DISC1: variants seen among roughly 807,000 people sequenced by gnomAD.
DISC1 encodes disrupted in schizophrenia 1 protein.
DISC1 carries 57 observed loss-of-function variants against 84.5 expected under a neutral mutation model. The ratio of observed to expected loss-of-function variants is 0.67; its 90% confidence interval spans 0.55 to 0.84. The LOEUF (loss-of-function observed/expected upper bound fraction) is 0.84, where lower values mean the gene tolerates loss of function less well. Among genes scored for constraint, DISC1 ranks in the 40% least tolerant of loss-of-function variants. The pLI is 0.00. For missense variants in DISC1, 1,000 were observed against 1,057.8 expected (o/e 0.95, Z 0.76); for synonymous variants, 411 against 415.2 (o/e 0.99, Z 0.12).
chr1:231,730,505 G>A (rs1259080137), intron 3 of DISC1, among the ~76,000 whole-genome samples: 1 of 152,070 alleles, frequency 6.6e-6, no homozygotes, highest in Non-Finnish European at 1.5e-5. Flanking sequence ...GCTGAGGTTT[G>A]GGCTTCTATT....
intron 9 of DISC1, among the ~76,000 whole-genome samples, chr1:231,912,740 CTCTTCTTTCTTTCTTTCTTTCTTTCTT>C (rs1315520296): frequency 1.4e-3 from 210 of 147,716 alleles, no homozygotes; most frequent in East Asian, 5.5e-3. Flanking sequence ...CTGCAGCTTG[CTCTTCTTTCTTTCTTTCTTTCTTTCTT>C]TCTTTCTTTC....
chr1:231,800,989 A>AT (rs1211325051), intron 8 of DISC1, among the ~76,000 whole-genome samples: 34 of 152,136 alleles, frequency 2.2e-4, no homozygotes, highest in African/African-American at 8.2e-4. Context: ...TTATAGGTTG[A>AT]ATGGACCCAG....
chr1:231,628,540 G>T (rs1041014792), intron 1 of DISC1, among the ~76,000 whole-genome samples: 1 of 152,128 alleles, frequency 6.6e-6, no homozygotes, highest in African/African-American at 2.4e-5. Flanking sequence ...ATGGGACTGG[G>T]ATTACAGTCC....
In DISC1 at chr1:231,953,991, T is replaced by C. The variant is rs1387734513; in HGVS notation, c.1982-4837T>C. Among the ~76,000 whole-genome samples, 3 of 152,338 alleles carry C rather than the reference T, an allele frequency of 2.0e-5. No homozygotes were observed. In the East Asian group the frequency reaches 5.8e-4, roughly 29 times the overall value. ...TACTGCTGTCCCCTTATGCAAGGGA[T>C]ACAATTCATTGAAACCTCGTTGGAC... On this transcript the variant is annotated intron_variant, in intron 9 of 12. Transcript: ENST00000439617.
chr1:232,029,678 T>C (rs955447297), intron 12 of DISC1, among the ~76,000 whole-genome samples: 9 of 152,260 alleles, frequency 5.9e-5, no homozygotes, highest in Admixed American at 1.3e-4. Context: ...ATGTGATTAA[T>C]GTAAGCCCAC....
Position 232,036,826 on chromosome 1 carries a change from G to T in DISC1, c.2560G>T (p.Ala854Ser). Residue 854 changes from alanine (A) to serine (S), a missense_variant, in exon 13 of 13, where the codon GCC (alanine) becomes TCC (serine). Coordinates refer to ENST00000439617, the MANE Select transcript of DISC1 (RefSeq NM_018662.3). ...CMTAGVHEAQ[A>S] ...GACAGCTGGTGTCCACGAAGCACAAGCCTGAGGAGTGACGGGATGGGGGAG... is the reference window on the plus strand; with the variant it reads ...GACAGCTGGTGTCCACGAAGCACAATCCTGAGGAGTGACGGGATGGGGGAG... 1 of 1,564,150 alleles carries T rather than the reference G, an allele frequency of 6.4e-7. No individual in the cohort carries two copies. Among genetic ancestry groups the T allele is most frequent in the Non-Finnish European group, 8.7e-7 (1 of 1,145,844 alleles).
At chr1:231,639,958 T>C (rs1449982218) in intron 1 of DISC1, among the ~76,000 whole-genome samples, 1 of 152,214 alleles carries the variant, frequency 6.6e-6, no homozygotes, top group Non-Finnish European at 1.5e-5. Context: ...CTGAATCACA[T>C]TAGTGTTTCT....
chr1:231,889,934 G>A (rs2087075767), intron 9 of DISC1, among the ~76,000 whole-genome samples: 1 of 152,152 alleles, frequency 6.6e-6, no homozygotes, highest in Non-Finnish European at 1.5e-5. Flanking sequence ...GTCACATGTA[G>A]CTATAATTTG....
At chr1:231,712,171 A>G (rs1048753585) in intron 3 of DISC1, among the ~76,000 whole-genome samples, 1 of 152,188 alleles carries the variant, frequency 6.6e-6, no homozygotes, top group Non-Finnish European at 1.5e-5. Context: ...TTCCCCAAGA[A>G]TGTTGGGAGG....
At chr1:231,908,462 G>C (rs991401020) in intron 9 of DISC1, among the ~76,000 whole-genome samples, 3 of 152,064 alleles carry the variant, frequency 2.0e-5, no homozygotes, top group African/African-American at 4.8e-5. Context: ...TTTTTGTCAG[G>C]TTTGTCAAAG....
At chr1:231,704,073 T>A (rs2066731868) in intron 3 of DISC1, among the ~76,000 whole-genome samples, 1 of 152,212 alleles carries the variant, frequency 6.6e-6, no homozygotes, top group Non-Finnish European at 1.5e-5. Context: ...CCACTCCCCT[T>A]GTCTTCTTCC....
chr1:231,915,332 G>T (rs1282100820), intron 9 of DISC1, among the ~76,000 whole-genome samples: 1 of 152,204 alleles, frequency 6.6e-6, no homozygotes, highest in Admixed American at 6.5e-5. Flanking sequence ...GTGGCAGGAT[G>T]AAAGCAGGGA....
chr1:232,032,773 A>G (rs753675216), intron 12 of DISC1, among the ~76,000 whole-genome samples: 3 of 152,206 alleles, frequency 2.0e-5, no homozygotes, highest in African/African-American at 2.4e-5. Context: ...TAAATTGTCA[A>G]TAGTTTTGGA....
At chr1:231,921,073 A>ATT (rs975628780) in intron 9 of DISC1, among the ~76,000 whole-genome samples, 2 of 142,154 alleles carry the variant, frequency 1.4e-5, no homozygotes, top group Middle Eastern at 3.4e-3. Flanking sequence ...AGCCTGGCTA[A>ATT]TTTTTTTTTT....
intron 3 of DISC1, among the ~76,000 whole-genome samples, chr1:231,746,564 C>A (rs2074002504): frequency 6.6e-6 from 1 of 152,214 alleles, no homozygotes; most frequent in South Asian, 2.1e-4. Flanking sequence ...TACATTCCCA[C>A]CAACAATGTA....
intron 10 of DISC1, among the ~76,000 whole-genome samples, chr1:231,959,695 C>G (rs1660112144): frequency 6.6e-6 from 1 of 152,206 alleles, no homozygotes; most frequent in South Asian, 2.1e-4. Context: ...TCAGGGTAAG[C>G]AAGGCACTAC....
intron 10 of DISC1, among the ~76,000 whole-genome samples, chr1:231,976,642 AC>A (rs1255407085): frequency 1.3e-5 from 2 of 152,078 alleles, no homozygotes; most frequent in Non-Finnish European, 2.9e-5. Context: ...AGCTTTTATA[AC>A]CCCCGTATTG....
chr1:231,889,291 G>A (rs149968634), intron 9 of DISC1, among the ~76,000 whole-genome samples: 36 of 152,266 alleles, frequency 2.4e-4, no homozygotes, highest in Non-Finnish European at 5.0e-4. Context: ...TCCATAAGGC[G>A]GGGTACACGC....
Position 232,026,583 on chromosome 1 carries a change from G to A in DISC1, c.2425+31G>A, listed in dbSNP as rs770385758. 4 of 1,509,176 alleles carry A rather than the reference G, an allele frequency of 2.7e-6. No individual in the cohort carries two copies. In the Admixed American group the frequency reaches 5.7e-5, roughly 21 times the overall value. 93.5% of individuals were successfully genotyped at this position (1,509,176 alleles called of 1,614,324 possible). ...CTTTTCATCTTGCAGATGAAGCAAG[G>A]CAAAGTTATTTTATAAAAGAGAGTC... On this transcript the variant is annotated intron_variant, in intron 12 of 12. Coordinates refer to ENST00000439617, the MANE Select transcript of DISC1 (RefSeq NM_018662.3).
Sources: gnomAD v4.1 joint callset for allele counts (sites outside exome capture counted in the v4.1 genomes callset) on GRCh38, gnomAD v4.1.1 for gene constraint, MANE v1.5 for transcripts, NCBI Gene and HGNC (gene_info 2026-07-23, HGNC 2026-07-21) for gene names.